BORCS5: variants seen among roughly 807,000 people sequenced by gnomAD.
The protein encoded by BORCS5 is BLOC-1 related complex subunit 5, also known as BLOC-1-related complex subunit 5.
In BORCS5, 17 loss-of-function variants were observed where a neutral mutation model predicts 22.1. The ratio of observed to expected loss-of-function variants is 0.77; its 90% CI spans 0.53 to 1.15. The LOEUF is 1.15. Ranked by LOEUF, BORCS5 falls within the 50% of genes most tolerant of loss-of-function variation. The pLI, the probability that BORCS5 is intolerant of heterozygous loss-of-function variation, is 0.00. For synonymous variants in BORCS5, 117 were observed against 99.8 expected (o/e 1.17, Z -1.03); for missense variants, 247 against 253.2 (o/e 0.98, Z 0.17).
intron 2 of BORCS5, among the ~76,000 whole-genome samples, chr12:12,416,765 T>A (rs1032522718): frequency 3.3e-5 from 5 of 151,224 alleles, no homozygotes; most frequent in Non-Finnish European, 7.4e-5. Context: ...CCAACTCTTG[T>A]TTTTTAATGT....
intron 3 of BORCS5, among the ~76,000 whole-genome samples, chr12:12,453,853 T>C (rs1942955757): frequency 6.6e-6 from 1 of 152,102 alleles, no homozygotes; most frequent in South Asian, 2.1e-4. Flanking sequence ...TATTCCCCTA[T>C]CCCCTGGCAA....
chr12:12,401,868 T>C (rs145365302), intron 2 of BORCS5, among the ~76,000 whole-genome samples: 4,110 of 151,792 alleles, frequency 0.027, 68 homozygotes, highest in Middle Eastern at 0.044. Flanking sequence ...ACCATCCTGG[T>C]TAACATGGTG....
Position 12,470,620 on chromosome 12 carries a change from C to G in BORCS5, c.*4844C>G, listed in dbSNP as rs1943280536. Among the ~76,000 whole-genome samples, 1 of 151,570 alleles carries G rather than the reference C, an allele frequency of 6.6e-6. No homozygotes were observed. Among genetic ancestry groups the G allele is most frequent in the Non-Finnish European group, 1.5e-5 (1 of 67,972 alleles). On this transcript the variant is annotated 3_prime_UTR_variant, in exon 4 of 4. Coordinates refer to ENST00000314565, the MANE Select transcript of BORCS5 (RefSeq NM_058169.6). ...AAAATTGTCTTCTATGAAATGGGTC[C>G]CTGGTGCCAGAAAGGTTGGGGACTG...
At chr12:12,358,405 C>T (rs552731258) in intron 1 of BORCS5, among the ~76,000 whole-genome samples, 1 of 152,328 alleles carries the variant, frequency 6.6e-6, no homozygotes, top group Admixed American at 6.5e-5. Context: ...TTCAGACCTA[C>T]ATTCTGGGGA....
intron 3 of BORCS5, among the ~76,000 whole-genome samples, chr12:12,451,150 A>G (rs1942900515): frequency 6.6e-6 from 1 of 150,980 alleles, no homozygotes; most frequent in South Asian, 2.1e-4. Flanking sequence ...ATGAGAATAC[A>G]TGGCAAGAAT....
At chr12:12,358,415 A>C (rs888260707) in intron 1 of BORCS5, among the ~76,000 whole-genome samples, 4 of 152,198 alleles carry the variant, frequency 2.6e-5, no homozygotes, top group African/African-American at 9.7e-5. Context: ...CATTCTGGGG[A>C]CTGGATTGGG....
intron 2 of BORCS5, among the ~76,000 whole-genome samples, chr12:12,373,439 A>G (rs1863574713): frequency 6.6e-6 from 1 of 152,158 alleles, no homozygotes; most frequent in South Asian, 2.1e-4. Context: ...TCTTTCAGGG[A>G]TCAAAGTCCT....
intron 2 of BORCS5, among the ~76,000 whole-genome samples, chr12:12,364,203 C>G (rs1863355406): frequency 6.6e-6 from 1 of 151,802 alleles, no homozygotes; most frequent in Non-Finnish European, 1.5e-5. Flanking sequence ...TGGTGACACC[C>G]CATCTCTACT....
chr12:12,461,835 T>C (rs1943110726), intron 3 of BORCS5, among the ~76,000 whole-genome samples: 1 of 152,214 alleles, frequency 6.6e-6, no homozygotes, highest in Non-Finnish European at 1.5e-5. Context: ...CTTGGTCATG[T>C]GTCACGGCAA....
chr12:12,414,404 C>G (rs1447141204), intron 2 of BORCS5, among the ~76,000 whole-genome samples: 2 of 111,860 alleles, frequency 1.8e-5, no homozygotes, highest in Non-Finnish European at 4.0e-5. Flanking sequence ...CACCTCCCTC[C>G]CGGACTGGGC....
intron 2 of BORCS5, among the ~76,000 whole-genome samples, chr12:12,376,555 G>C (rs1863659115): frequency 6.6e-6 from 1 of 152,070 alleles, no homozygotes; most frequent in Non-Finnish European, 1.5e-5. Flanking sequence ...TTTTTTAATT[G>C]AGGGCTTTTC....
At chr12:12,388,102 T>C (rs1012303226) in intron 2 of BORCS5, among the ~76,000 whole-genome samples, 2 of 151,268 alleles carry the variant, frequency 1.3e-5, no homozygotes, top group African/African-American at 4.9e-5. Flanking sequence ...GTGATTATTA[T>C]ATTAATTGAG....
chr12:12,465,701 G>A lies in BORCS5; in HGVS notation c.516G>A (p.Arg172=), dbSNP rs139272726. 3.1e-6 allele frequency: 5 copies of A among 1,614,128 alleles called. No individual in the cohort carries two copies. The African/African-American group carries it at 6.7e-5, about 22-fold the overall frequency. The change falls in exon 4 of 4, where the codon AGG becomes AGA. Residue 172 remains arginine, a synonymous_variant. Coordinates refer to ENST00000314565, the MANE Select transcript of BORCS5 (RefSeq NM_058169.6). The part of the protein sequence containing the change: ...GIDQTVPLLD[R]LNSMLPEGER... ...ACCAGACTGTGCCCCTGCTGGACAG[G>A]CTCAACAGCATGCTGCCCGAGGGCG...
intron 1 of BORCS5, among the ~76,000 whole-genome samples, chr12:12,359,966 A>T (rs1490745365): frequency 6.6e-6 from 1 of 152,144 alleles, no homozygotes; most frequent in African/African-American, 2.4e-5. Flanking sequence ...TATATATCTC[A>T]AGATAGCAGG....
chr12:12,407,360 A>G (rs1023208874), intron 2 of BORCS5, among the ~76,000 whole-genome samples: 13 of 150,502 alleles, frequency 8.6e-5, no homozygotes, highest in Non-Finnish European at 1.6e-4. Flanking sequence ...TTATCCTTTT[A>G]TAGTTTTCAT....
chr12:12,456,635 A>G (rs145177264), intron 3 of BORCS5, among the ~76,000 whole-genome samples: 18 of 152,280 alleles, frequency 1.2e-4, no homozygotes, highest in East Asian at 5.8e-4. Flanking sequence ...ATGTACGCCT[A>G]TGTATTTTTA....
At chr12:12,371,063 A>G (rs1863517338) in intron 2 of BORCS5, among the ~76,000 whole-genome samples, 1 of 152,058 alleles carries the variant, frequency 6.6e-6, no homozygotes, top group African/African-American at 2.4e-5. Flanking sequence ...GTGTCCTTTT[A>G]ACATATTCCC....
chr12:12,419,069 A>G (rs1319171921), intron 2 of BORCS5, among the ~76,000 whole-genome samples: 1 of 151,896 alleles, frequency 6.6e-6, no homozygotes, highest in Admixed American at 6.6e-5. Flanking sequence ...TTATACTTTA[A>G]GTTCTAGGGT....
intron 2 of BORCS5, among the ~76,000 whole-genome samples, chr12:12,401,998 G>A (rs537417584): frequency 7.9e-5 from 12 of 151,214 alleles, no homozygotes; most frequent in South Asian, 2.1e-4. Context: ...CCCGGGAGGC[G>A]GAGCTTGCAG....
Sources: gnomAD v4.1 joint callset for allele counts (sites outside exome capture counted in the v4.1 genomes callset) on GRCh38, gnomAD v4.1.1 for gene constraint, MANE v1.5 for transcripts, NCBI Gene and HGNC (gene_info 2026-07-23, HGNC 2026-07-21) for gene names.